RALGAPA1: variants seen among roughly 807,000 people sequenced by gnomAD.
The protein encoded by RALGAPA1 is ral GTPase-activating protein subunit alpha-1.
Under a neutral mutation model 269.6 loss-of-function variants are expected in RALGAPA1, and 52 were observed. That is an observed-to-expected ratio of 0.19 (90% CI 0.15 to 0.24). RALGAPA1 has a LOEUF of 0.24. Ranked by LOEUF, RALGAPA1 falls within the 10% of genes least tolerant of loss-of-function variation. The probability of loss-of-function intolerance (pLI) is 1.00; values close to 1 mark genes in which losing one functional copy is unlikely to be tolerated. For synonymous variants in RALGAPA1, 817 were observed against 1,008.3 expected, an observed-to-expected ratio of 0.81 and a Z score of 3.60; for missense variants, 1,917 against 3,013.9, an observed-to-expected ratio of 0.64 and a Z score of 8.52.
At chr14:35,632,688 C>T (rs1165681144) in intron 33 of RALGAPA1, among the ~76,000 whole-genome samples, 1 of 152,148 alleles carries the variant, frequency 6.6e-6, no homozygotes, top group African/African-American at 2.4e-5. Flanking sequence ...AACTTCACTA[C>T]CTTGCTTTAT....
chr14:35,737,400 TA>T (rs1179649435), intron 12 of RALGAPA1, among the ~76,000 whole-genome samples: 3 of 152,118 alleles, frequency 2.0e-5, no homozygotes, highest in East Asian at 3.9e-4. Flanking sequence ...TACAACTCAG[TA>T]ATGCCACTTT....
intron 30 of RALGAPA1, among the ~76,000 whole-genome samples, chr14:35,652,285 CCT>C (rs1383421250): frequency 6.6e-6 from 1 of 151,610 alleles, no homozygotes; most frequent in Non-Finnish European, 1.5e-5. Context: ...CGACAGAGAC[CCT>C]GTCTCAAAAC....
chr14:35,663,529 G>C (rs1302204421), intron 27 of RALGAPA1, among the ~76,000 whole-genome samples: 4 of 150,722 alleles, frequency 2.7e-5, no homozygotes, highest in Admixed American at 1.3e-4. Flanking sequence ...CACATACAAA[G>C]ACCATCTGGC....
chr14:35,611,384 C>T lies in RALGAPA1; in HGVS notation c.6930-5675G>A, dbSNP rs369154957. Among the ~76,000 whole-genome samples, 13 of 152,152 alleles carry T rather than the reference C, an allele frequency of 8.5e-5. No homozygotes were observed. In the South Asian group the frequency reaches 2.5e-3, roughly 29 times the overall value. ...GGGTGTGGTTGCGTGCGCTTGTAGT[C>T]CCAGCTACTCGGGAGGCTGAGGCAG... On this transcript the variant is annotated intron_variant, in intron 35 of 41. Transcript: ENST00000680220.
chr14:35,556,272 C>T (rs186398821), intron 39 of RALGAPA1, among the ~76,000 whole-genome samples: 20 of 152,018 alleles, frequency 1.3e-4, no homozygotes, highest in South Asian at 2.1e-4. Context: ...CGAAATACAC[C>T]GGGTAATTAG....
At chr14:35,608,782 G>C (rs902996696) in intron 35 of RALGAPA1, among the ~76,000 whole-genome samples, 3 of 152,152 alleles carry the variant, frequency 2.0e-5, no homozygotes, top group Non-Finnish European at 4.4e-5. Flanking sequence ...ATAATGGACA[G>C]AACAACTAGA....
chr14:35,686,780 G>T, intron 18 of RALGAPA1, 114 bp from the exon 19 acceptor site: 2 of 492,348 alleles, frequency 4.1e-6, no homozygotes, highest in Non-Finnish European at 3.6e-6. Context: ...TGCCAAACAT[G>T]CATTTATGAA....
At chr14:35,697,397 A>G (rs1257717585) in intron 17 of RALGAPA1, among the ~76,000 whole-genome samples, 1 of 151,306 alleles carries the variant, frequency 6.6e-6, no homozygotes, top group Non-Finnish European at 1.5e-5. Flanking sequence ...CCCAGGCTGG[A>G]GTGCAGTGGG....
chr14:35,588,809 G>A (rs142575672), intron 37 of RALGAPA1, among the ~76,000 whole-genome samples: 39 of 152,228 alleles, frequency 2.6e-4, no homozygotes, highest in Middle Eastern at 3.4e-3. Context: ...GCACACTCAC[G>A]TTCAGTGCAG....
chr14:35,766,030 G>A (rs945918119), intron 4 of RALGAPA1: 82 of 1,379,584 alleles, frequency 5.9e-5, no homozygotes, highest in Non-Finnish European at 8.5e-5. Flanking sequence ...GATTCAGACT[G>A]GCTGATAACT....
At chr14:35,729,353 G>GA (rs1437241109) in intron 12 of RALGAPA1, among the ~76,000 whole-genome samples, 2 of 151,544 alleles carry the variant, frequency 1.3e-5, no homozygotes, top group South Asian at 4.2e-4. Flanking sequence ...AGCAAACTAA[G>GA]AAAAAAGCAC....
chr14:35,657,691 T>TATATATA (rs1200577635), intron 28 of RALGAPA1, among the ~76,000 whole-genome samples: 1 of 134,294 alleles, frequency 7.4e-6, no homozygotes, highest in African/African-American at 2.9e-5. Context: ...ATATATATAT[T>TATATATA]TTTTTTTTTT....
At chr14:35,730,570 T>A (rs933451396) in intron 12 of RALGAPA1, among the ~76,000 whole-genome samples, 1 of 129,222 alleles carries the variant, frequency 7.7e-6, no homozygotes, top group East Asian at 1.9e-4. Context: ...AGACTGGCCC[T>A]TCAGATTGCT....
chr14:35,568,599 A>T (rs889430417), intron 39 of RALGAPA1, among the ~76,000 whole-genome samples: 1 of 152,206 alleles, frequency 6.6e-6, no homozygotes, highest in African/African-American at 2.4e-5. Flanking sequence ...GGGTTTCACA[A>T]ATCATTCTCC....
At chr14:35,591,259 A>T (rs908366662) in intron 37 of RALGAPA1, among the ~76,000 whole-genome samples, 31 of 152,226 alleles carry the variant, frequency 2.0e-4, no homozygotes, top group African/African-American at 7.5e-4. Flanking sequence ...GCTCAAATGT[A>T]TAGGATACAG....
chr14:35,593,342 C>T (rs979816172), intron 37 of RALGAPA1, among the ~76,000 whole-genome samples: 2 of 151,894 alleles, frequency 1.3e-5, no homozygotes, highest in Non-Finnish European at 2.9e-5. Context: ...ATTTAAAACA[C>T]AATGAAATGG....
At position 35,539,544 on chromosome 14, in the gene RALGAPA1, A is replaced by G; in HGVS notation, c.*170T>C. 6.2e-7 allele frequency: 1 copy of G among 1,612,122 alleles called. No homozygotes were observed. Among genetic ancestry groups the G allele is most frequent in the Non-Finnish European group, 8.5e-7 (1 of 1,179,804 alleles). ...TCACTGCTGGGCTGCTTGTCTCCTT[A>G]GGATTTATTGGCTGAGCCAGAGGAA... On this transcript the variant is annotated 3_prime_UTR_variant, in exon 42 of 42. Coordinates refer to ENST00000680220, the MANE Select transcript of RALGAPA1 (RefSeq NM_001346249.2).
intron 10 of RALGAPA1, among the ~76,000 whole-genome samples, chr14:35,746,906 T>G (rs1393458291): frequency 6.7e-6 from 1 of 148,762 alleles, no homozygotes; most frequent in Non-Finnish European, 1.5e-5. Context: ...GGAAAAGGAA[T>G]GGGGGCTGGG....
At chr14:35,574,460 A>G (rs929515798) in intron 37 of RALGAPA1, among the ~76,000 whole-genome samples, 2 of 152,236 alleles carry the variant, frequency 1.3e-5, no homozygotes, top group African/African-American at 4.8e-5. Flanking sequence ...GCACAGAACC[A>G]TGTACATAAC....
Sources: allele counts gnomAD v4.1 joint callset (sites outside exome capture counted in the v4.1 genomes callset), GRCh38; gene constraint gnomAD v4.1.1; transcripts MANE v1.5; gene names NCBI Gene and HGNC (gene_info 2026-07-23, HGNC 2026-07-21).